The following WNT3A variants were observed in gnomAD, a reference collection of about 807,000 sequenced individuals.
WNT3A encodes the protein Wnt family member 3A.
WNT3A carries 17 observed loss-of-function variants against 37.0 expected under a neutral mutation model. The observed-to-expected ratio is 0.46, with a 90% CI of 0.31 to 0.69. The LOEUF is 0.69. Ranked by LOEUF, WNT3A falls within the 30% of genes least tolerant of loss-of-function variation. The probability of loss-of-function intolerance (pLI) is 0.05; values close to 1 mark genes in which losing one functional copy is unlikely to be tolerated. For missense variants in WNT3A, 411 were observed against 510.2 expected, an observed-to-expected ratio of 0.81 and a Z score of 1.87; for synonymous variants, 187 against 211.0, an observed-to-expected ratio of 0.89 and a Z score of 0.99.
At position 228,045,591 on chromosome 1, in the gene WNT3A, A is replaced by G. The variant is rs770180584; in HGVS notation, c.314-5065A>G. ...GAGAGGAAGTGCTCTGCATCCAGCC[A>G]CACGTGTATTCACTCAGAGGCAGTG... On this transcript the variant is annotated intron_variant, in intron 2 of 3. Transcript: ENST00000284523. Among the ~76,000 whole-genome samples the G allele has an allele frequency of 5.3e-5, 8 of 152,296 alleles. No individual in the cohort carries two copies. In the Middle Eastern group the frequency reaches 0.017, roughly 324 times the overall value.
rs940729033 is a variant in WNT3A at position 228,039,966 on chromosome 1, G to C, written c.314-10690G>C. Among the ~76,000 whole-genome samples the C allele has an allele frequency of 6.6e-6, 1 of 152,168 alleles. No homozygotes were observed. Among genetic ancestry groups the C allele is most frequent in the African/African-American group, 2.4e-5 (1 of 41,446 alleles). ...TCAGGAGTCCCCTCTGGACCAACAG[G>C]CATGTCCCAGGAGCCCAGGAGTCCC... is the stretch of plus-strand genomic sequence containing the variant. On this transcript the variant is annotated intron_variant, in intron 2 of 3. Coordinates refer to ENST00000284523, the MANE Select transcript of WNT3A (RefSeq NM_033131.4). This position sits in a 1 kb window ranked among gnomAD's most constrained non-coding sequence, Gnocchi z 4.1.
chr1:228,024,560 T>A (rs190978734), intron 2 of WNT3A, among the ~76,000 whole-genome samples: 2 of 152,358 alleles, frequency 1.3e-5, no homozygotes, highest in East Asian at 3.9e-4. Context: ...ATATTCTGGA[T>A]ACTGGATGTG....
chr1:228,008,333 G>C lies in WNT3A; in HGVS notation c.71+1134G>C, dbSNP rs377562911. On this transcript the variant is annotated intron_variant, in intron 1 of 3. Coordinates refer to ENST00000284523, the MANE Select transcript of WNT3A (RefSeq NM_033131.4). This position sits in a 1 kb window ranked among gnomAD's most constrained non-coding sequence, Gnocchi z 4.9. Reference sequence around the variant, plus strand: ...TTATAATAATTACGCCGAGGGGAAGGGGGGAGACCCAGCGAGCCGAGGTAC... The same window carrying C: ...TTATAATAATTACGCCGAGGGGAAGCGGGGAGACCCAGCGAGCCGAGGTAC... Among the ~76,000 whole-genome samples the C allele has an allele frequency of 2.6e-5, 4 of 152,218 alleles. No homozygotes were observed. The highest frequency in any genetic ancestry group is 3.9e-4 in the East Asian group (2 of 5,186).
intron 2 of WNT3A, among the ~76,000 whole-genome samples, chr1:228,025,071 G>T (rs546879909): frequency 2.0e-5 from 3 of 152,300 alleles, no homozygotes; most frequent in African/African-American, 7.2e-5. Context: ...ACTGGGAAGA[G>T]TAAGTTTTCC....
chr1:228,016,728 G>A (rs1179684363), intron 1 of WNT3A, among the ~76,000 whole-genome samples: 1 of 152,180 alleles, frequency 6.6e-6, no homozygotes, highest in African/African-American at 2.4e-5. Context: ...GGCTGTACAA[G>A]CATGGCACCG....
Position 228,059,562 on chromosome 1 carries a change from C to T in WNT3A, c.*97C>T, listed in dbSNP as rs1001257349. ...ACTCCCACCTAAACGGGGCAGTACT[C>T]CTCCCTGGGGGCGGGACTCCTCCCT... On this transcript the variant is annotated 3_prime_UTR_variant, in exon 4 of 4. Coordinates refer to ENST00000284523, the MANE Select transcript of WNT3A (RefSeq NM_033131.4). The T allele has an allele frequency of 5.7e-5, 80 of 1,402,554 alleles. No individual in the cohort carries two copies. In the Middle Eastern group the frequency reaches 1.9e-3, roughly 33 times the overall value. 86.9% of individuals were successfully genotyped at this position (1,402,554 alleles called of 1,614,324 possible). A position where few individuals can be genotyped will look rare whatever the true frequency, so the allele number is the denominator to read the frequency against.
Position 228,044,275 on chromosome 1 carries a change from C to T in WNT3A, c.314-6381C>T, listed in dbSNP as rs530989265. On this transcript the variant is annotated intron_variant, in intron 2 of 3. Transcript: ENST00000284523. The stretch of plus-strand genomic sequence containing the variant: ...TGGCACTGAGAGTCCTGGGTCCCCT[C>T]GTCCAACCCAGTGGTGCATAACTAT... Among the ~76,000 whole-genome samples the T allele has an allele frequency of 7.2e-5, 11 of 152,306 alleles. No homozygotes were observed. In the South Asian group the frequency reaches 2.1e-3, roughly 29 times the overall value.
In WNT3A at chr1:228,022,668, T is replaced by A; in HGVS notation, c.73T>A (p.Ser25Thr). Reference sequence around the variant, plus strand: ...ACCACCGGATCTTGCCCTCTGCAGGTCGCTGGCTGTTGGGCCACAGTATTC... The same window carrying A: ...ACCACCGGATCTTGCCCTCTGCAGGACGCTGGCTGTTGGGCCACAGTATTC... ...QALGSYPIWW[S>T]LAVGPQYSSL... The change falls in exon 2 of 4, where the codon TCG (serine) becomes ACG (threonine). Residue 25 changes from serine to threonine, a missense_variant and splice_region_variant. By Grantham distance (58) the Ser-to-Thr change is moderately conservative. Transcript: ENST00000284523. 6.2e-7 allele frequency: 1 copy of A among 1,611,202 alleles called. No homozygotes were observed. Among genetic ancestry groups the A allele is most frequent in the Non-Finnish European group, 8.5e-7 (1 of 1,177,688 alleles).
In WNT3A at chr1:228,060,002, C is replaced by A. The variant is rs1266217992; in HGVS notation, c.*537C>A. On this transcript the variant is annotated 3_prime_UTR_variant, in exon 4 of 4. Transcript: ENST00000284523. The stretch of plus-strand genomic sequence containing the variant: ...GGTTTTATGGTGGATGAGGCTTCTT[C>A]CTGGATGGGGCAGAGCTTCTCCTGA... 70 of 1,155,836 alleles carry A rather than the reference C, an allele frequency of 6.1e-5. No homozygotes were observed. In the South Asian group the frequency reaches 1.2e-3, roughly 19 times the overall value. 71.6% of individuals were successfully genotyped at this position (1,155,836 alleles called of 1,614,324 possible).
In WNT3A at chr1:228,037,757, C is replaced by G. The variant is rs1039905366; in HGVS notation, c.314-12899C>G. Among the ~76,000 whole-genome samples, 5 of 152,338 alleles carry G rather than the reference C, an allele frequency of 3.3e-5. No homozygotes were observed. Among genetic ancestry groups the G allele is most frequent in the Non-Finnish European group, 5.9e-5 (4 of 68,018 alleles). On this transcript the variant is annotated intron_variant, in intron 2 of 3. Transcript: ENST00000284523. This position sits in a 1 kb window ranked among gnomAD's most constrained non-coding sequence, Gnocchi z 4.1. Reference sequence around the variant, plus strand: ...AGGGGAACCCCGGCCGACTCCCCGCCGCGTCCGGCTGGGAGCACAATATCC... The same window carrying G: ...AGGGGAACCCCGGCCGACTCCCCGCGGCGTCCGGCTGGGAGCACAATATCC...
chr1:228,043,537 C>T (rs1022722597), intron 2 of WNT3A, among the ~76,000 whole-genome samples: 1 of 152,228 alleles, frequency 6.6e-6, no homozygotes, highest in Non-Finnish European at 1.5e-5. Context: ...GTTTCACCCC[C>T]ATAGCTGACT....
chr1:228,040,816 G>A (rs1333711123), intron 2 of WNT3A, among the ~76,000 whole-genome samples: 6 of 150,656 alleles, frequency 4.0e-5, no homozygotes, highest in Non-Finnish European at 5.9e-5. Flanking sequence ...AACCTGGGAC[G>A]TGGAGCTTGC....
At chr1:228,016,636 G>A (rs770242309) in intron 1 of WNT3A, among the ~76,000 whole-genome samples, 3 of 152,138 alleles carry the variant, frequency 2.0e-5, no homozygotes, top group Non-Finnish European at 2.9e-5. Context: ...GGTTTCATAC[G>A]TGTACTTGTC....
rs1051829611 is a variant in WNT3A, at chr1:228,039,153, G to T, written c.314-11503G>T. ...GAGACGAAGCCACAGGTTTCCAGGG[G>T]CTGGGGACAGCATTGGAGGGCCCCA... On this transcript the variant is annotated intron_variant, in intron 2 of 3. Coordinates refer to ENST00000284523, the MANE Select transcript of WNT3A (RefSeq NM_033131.4). The surrounding 1 kb of genome is among the most constrained non-coding windows in gnomAD (Gnocchi z 4.1). Among the ~76,000 whole-genome samples, 2 of 152,174 alleles carry T rather than the reference G, an allele frequency of 1.3e-5. No individual in the cohort carries two copies. The highest frequency in any genetic ancestry group is 2.9e-5 in the Non-Finnish European group (2 of 68,026).
intron 2 of WNT3A, among the ~76,000 whole-genome samples, chr1:228,024,614 G>GT (rs1210570366): frequency 1.3e-5 from 2 of 151,916 alleles, no homozygotes; most frequent in East Asian, 1.9e-4. Flanking sequence ...CATCGTGTAG[G>GT]TTTTTTTCAT....
chr1:228,011,731 C>T (rs568730717), intron 1 of WNT3A, among the ~76,000 whole-genome samples: 97 of 152,362 alleles, frequency 6.4e-4, no homozygotes, highest in African/African-American at 2.3e-3. Flanking sequence ...GCAAATAAAA[C>T]TCGTGAAACG....
Position 228,037,763 on chromosome 1 carries a change from C to A in WNT3A, c.314-12893C>A, listed in dbSNP as rs563761659. Among the ~76,000 whole-genome samples, 13 of 152,350 alleles carry A rather than the reference C, an allele frequency of 8.5e-5. No homozygotes were observed. The South Asian group carries it at 2.7e-3, about 32-fold the overall frequency. Reference sequence around the variant, plus strand: ...ACCCCGGCCGACTCCCCGCCGCGTCCGGCTGGGAGCACAATATCCCAGCGA... The same window carrying A: ...ACCCCGGCCGACTCCCCGCCGCGTCAGGCTGGGAGCACAATATCCCAGCGA... On this transcript the variant is annotated intron_variant, in intron 2 of 3. Coordinates refer to ENST00000284523, the MANE Select transcript of WNT3A (RefSeq NM_033131.4). This position sits in a 1 kb window ranked among gnomAD's most constrained non-coding sequence, Gnocchi z 4.1.
intron 2 of WNT3A, among the ~76,000 whole-genome samples, chr1:228,045,915 G>C (rs1406131555): frequency 6.6e-6 from 1 of 152,230 alleles, no homozygotes; most frequent in African/African-American, 2.4e-5. Context: ...TTGTGCTCCA[G>C]ATTGCAAATA....
chr1:228,029,436 A>G (rs2030944028), intron 2 of WNT3A, among the ~76,000 whole-genome samples: 1 of 152,164 alleles, frequency 6.6e-6, no homozygotes, highest in Non-Finnish European at 1.5e-5. Flanking sequence ...TGTGCTGAGC[A>G]TGTGGTCAGC....
Sources: gnomAD v4.1 joint callset for allele counts (sites outside exome capture counted in the v4.1 genomes callset) on GRCh38, gnomAD v4.1.1 for gene constraint, Gnocchi (gnomAD v3.1) non-coding constraint, MANE v1.5 for transcripts, NCBI Gene and HGNC (gene_info 2026-07-23, HGNC 2026-07-21) for gene names.